The following AP1M1 variants were observed in gnomAD, a reference collection of about 807,000 sequenced individuals.
AP1M1 encodes adaptor related protein complex 1 subunit mu 1, also known as AP-1 complex subunit mu-1.
In AP1M1, 18 loss-of-function variants were observed where a neutral mutation model predicts 57.1. The observed-to-expected ratio is 0.32, with a 90% CI of 0.22 to 0.47. The LOEUF (loss-of-function observed/expected upper bound fraction) is 0.47, where lower values mean the gene tolerates loss of function less well. Ranked by LOEUF, AP1M1 falls within the 20% of genes least tolerant of loss-of-function variation. AP1M1 has a pLI of 1.00. For missense variants in AP1M1, 362 were observed against 593.5 expected (o/e 0.61, Z 4.05); for synonymous variants, 241 against 237.9 (o/e 1.01, Z -0.12).
At chr19:16,202,571 T>C (rs2091453115) in intron 1 of AP1M1, among the ~76,000 whole-genome samples, 1 of 152,236 alleles carries the variant, frequency 6.6e-6, no homozygotes, top group African/African-American at 2.4e-5. Context: ...TCTAGGATTT[T>C]ATACACGTGC....
At chr19:16,204,018 A>AGTGGTCAGCGGGGTCTGGG (rs2091459823) in intron 2 of AP1M1, among the ~76,000 whole-genome samples, 1 of 151,842 alleles carries the variant, frequency 6.6e-6, no homozygotes, top group Non-Finnish European at 1.5e-5. Context: ...GCGAGGCTGG[A>AGTGGTCAGCGGGGTCTGGG]GTGGTCAGCG....
chr19:16,223,326 C>T (rs2091554253), intron 5 of AP1M1, among the ~76,000 whole-genome samples: 1 of 152,196 alleles, frequency 6.6e-6, no homozygotes, highest in African/African-American at 2.4e-5. Context: ...GGTATATGCA[C>T]AGGATTCACA....
intron 5 of AP1M1, among the ~76,000 whole-genome samples, chr19:16,214,670 C>G (rs1013308600): frequency 6.6e-6 from 1 of 151,800 alleles, no homozygotes; most frequent in Non-Finnish European, 1.5e-5. Flanking sequence ...ATATTTAGTA[C>G]TTCTTTCAGG....
Position 16,234,194 on chromosome 19 carries a change from C to T in AP1M1, c.1174-5C>T. 1 of 1,612,412 alleles carries T rather than the reference C, an allele frequency of 6.2e-7. No homozygotes were observed. Among genetic ancestry groups the T allele is most frequent in the Non-Finnish European group, 8.5e-7 (1 of 1,179,232 alleles). ...GTGCTCAGGGCCCTGCTACCTGTGC[C>T]CCAGGTGCGCTACCTGAAGATCATT... On this transcript the variant is annotated splice_polypyrimidine_tract_variant and splice_region_variant and intron_variant, in intron 10 of 11. Transcript: ENST00000291439.
chr19:16,208,627 G>C (rs549237539), intron 4 of AP1M1, among the ~76,000 whole-genome samples: 1 of 152,278 alleles, frequency 6.6e-6, no homozygotes, highest in African/African-American at 2.4e-5. Context: ...AGAAGCCTGT[G>C]TTCCTAACCG....
At position 16,244,059 on chromosome 19, in the gene AP1M1, G is replaced by A. The variant is rs567280183; in HGVS notation, c.*9624G>A. 33 of 152,156 alleles carry A rather than the reference G, an allele frequency of 2.2e-4. No homozygotes were observed. Among genetic ancestry groups the A allele is most frequent in the Non-Finnish European group, 4.1e-4 (28 of 68,028 alleles). 9.4% of individuals were successfully genotyped at this position (152,156 alleles called of 1,614,324 possible). A position where few individuals can be genotyped will look rare whatever the true frequency, so the allele number is the denominator to read the frequency against. ...TCTTTTGTGTATATGTTACACTTCA[G>A]CAAAAACATTCACAAAGGGGAAAAA... On this transcript the variant is annotated 3_prime_UTR_variant, in exon 12 of 12. Transcript: ENST00000291439.
In AP1M1 at chr19:16,209,078, A is replaced by T. The variant is rs1440426329; in HGVS notation, c.447A>T (p.Pro149=). ...GHKLETGAPR[P]PATVTNAVSW... is the part of the protein sequence containing the mutation. ...AGCTGGAAACAGGGGCCCCGCGGCC[A>T]CCAGCCACCGTCACCAACGCGGTGT... The change falls in exon 5 of 12, where the codon CCA becomes CCT. Residue 149 remains proline, a synonymous_variant. Transcript: ENST00000291439. 6.2e-7 allele frequency: 1 copy of T among 1,614,218 alleles called. No homozygotes were observed. Among genetic ancestry groups the T allele is most frequent in the South Asian group, 1.1e-5 (1 of 91,084 alleles).
intron 5 of AP1M1, among the ~76,000 whole-genome samples, chr19:16,221,001 G>T (rs2091541804): frequency 6.6e-6 from 1 of 152,194 alleles, no homozygotes; most frequent in Admixed American, 6.5e-5. Flanking sequence ...GTTAGATGAG[G>T]TGTGCACATC....
Position 16,206,258 on chromosome 19 carries a change from G to T in AP1M1, c.200-83G>T. ...AGGGAAGGCTCTGAGGGTTGTGAGGGTTAGGGGGTCCCTCCATGAACCAGG... is the reference window on the plus strand; with the variant it reads ...AGGGAAGGCTCTGAGGGTTGTGAGGTTTAGGGGGTCCCTCCATGAACCAGG... On this transcript the variant is annotated intron_variant, in intron 2 of 11. Coordinates refer to ENST00000291439, the MANE Select transcript of AP1M1 (RefSeq NM_032493.4). This position sits in a 1 kb window ranked among gnomAD's most constrained non-coding sequence, Gnocchi z 4.3. The T allele has an allele frequency of 7.0e-7, 1 of 1,435,312 alleles. No homozygotes were observed. Among genetic ancestry groups the T allele is most frequent in the Admixed American group, 1.7e-5 (1 of 59,060 alleles). 88.9% of individuals were successfully genotyped at this position (1,435,312 alleles called of 1,614,324 possible).
intron 1 of AP1M1, chr19:16,198,283 G>T (rs1323483791): frequency 2.8e-6 from 1 of 363,070 alleles, no homozygotes; most frequent in Non-Finnish European, 5.0e-6. Context: ...ACGTAACGCG[G>T]TGGGCTGCAG....
At chr19:16,199,028 G>A (rs1467409423) in intron 1 of AP1M1, among the ~76,000 whole-genome samples, 5 of 152,050 alleles carry the variant, frequency 3.3e-5, no homozygotes, top group Admixed American at 2.0e-4. Context: ...GGCTGGTCTC[G>A]AACTCTTGAC....
At position 16,198,007 on chromosome 19, in the gene AP1M1, C is replaced by CGCCGCCACCGCCCTCGGCCGCTGCG. The variant is rs770124303; in HGVS notation, c.-19_-18insCCGCCACCGCCCTCGGCCGCTGCGG. Reference sequence around the variant, plus strand: ...CGCCGCCACCGCCCTCGGCCGCTGCCGAGGCCTCCTGCAGCCATCATGTCC... The same window carrying CGCCGCCACCGCCCTCGGCCGCTGCG: ...CGCCGCCACCGCCCTCGGCCGCTGCCGCCGCCACCGCCCTCGGCCGCTGCGGAGGCCTCCTGCAGCCATCATGTCC... On this transcript the variant is annotated 5_prime_UTR_variant, in exon 1 of 12. Coordinates refer to ENST00000291439, the MANE Select transcript of AP1M1 (RefSeq NM_032493.4). 2 of 1,574,926 alleles carry CGCCGCCACCGCCCTCGGCCGCTGCG rather than the reference C, an allele frequency of 1.3e-6. No homozygotes were observed. Among genetic ancestry groups the CGCCGCCACCGCCCTCGGCCGCTGCG allele is most frequent in the African/African-American group, 2.8e-5 (2 of 71,596 alleles).
At chr19:16,217,702 T>C (rs796846223) in intron 5 of AP1M1, among the ~76,000 whole-genome samples, 22 of 152,284 alleles carry the variant, frequency 1.4e-4, no homozygotes, top group African/African-American at 4.8e-4. Flanking sequence ...AAGACTACCC[T>C]GGAGAGTTCA....
chr19:16,234,741 G>A lies in AP1M1; in HGVS notation c.*306G>A. 4.2e-6 allele frequency: 2 copies of A among 475,588 alleles called. No homozygotes were observed. Among genetic ancestry groups the A allele is most frequent in the East Asian group, 3.3e-5 (1 of 30,124 alleles). The allele number at this position is 475,588 out of a possible 1,614,324, so 29.5% of individuals were successfully genotyped here. On this transcript the variant is annotated 3_prime_UTR_variant, in exon 12 of 12. Transcript: ENST00000291439. ...AGCCTTTTATGCTGTTGAGCTCCCA[G>A]GTACCAAAAAGCTTGGCCAACGCTT...
At chr19:16,221,127 T>G (rs772417539) in intron 5 of AP1M1, among the ~76,000 whole-genome samples, 2 of 152,228 alleles carry the variant, frequency 1.3e-5, no homozygotes, top group South Asian at 4.1e-4. Context: ...TTTGTTTTTT[T>G]GTTTTGTTTT....
chr19:16,212,787 C>T (rs1362053165), intron 5 of AP1M1, among the ~76,000 whole-genome samples: 2 of 152,148 alleles, frequency 1.3e-5, no homozygotes, highest in African/African-American at 4.8e-5. Flanking sequence ...AGATTCTGGT[C>T]TGTTGTATCT....
chr19:16,197,980 G>GCCGCCGCCACCGCCCTCGGCCGCTA lies in AP1M1; in HGVS notation c.-23_-22insACCGCCGCCACCGCCCTCGGCCGCT. The GCCGCCGCCACCGCCCTCGGCCGCTA allele has an allele frequency of 3.3e-6, 5 of 1,528,382 alleles. No homozygotes were observed. Among genetic ancestry groups the GCCGCCGCCACCGCCCTCGGCCGCTA allele is most frequent in the East Asian group, 2.6e-5 (1 of 37,750 alleles). 94.7% of individuals were successfully genotyped at this position (1,528,382 alleles called of 1,614,324 possible). On this transcript the variant is annotated 5_prime_UTR_variant, in exon 1 of 12. Coordinates refer to ENST00000291439, the MANE Select transcript of AP1M1 (RefSeq NM_032493.4). Reference sequence around the variant, plus strand: ...ACGCCCAGCAGTCCCCACCGTCGCTGCCGCCGCCACCGCCCTCGGCCGCTG... The same window carrying GCCGCCGCCACCGCCCTCGGCCGCTA: ...ACGCCCAGCAGTCCCCACCGTCGCTGCCGCCGCCACCGCCCTCGGCCGCTACCGCCGCCACCGCCCTCGGCCGCTG...
chr19:16,227,421 C>A lies in AP1M1; in HGVS notation c.674-127C>A. ...GACCCAGCCCCCTTGGTGTTTGTGGCCCAGGCTGCTCTCAGTGCGTGGACT... is the reference window on the plus strand; with the variant it reads ...GACCCAGCCCCCTTGGTGTTTGTGGACCAGGCTGCTCTCAGTGCGTGGACT... On this transcript the variant is annotated intron_variant, in intron 6 of 11. Coordinates refer to ENST00000291439, the MANE Select transcript of AP1M1 (RefSeq NM_032493.4). The surrounding 1 kb of genome is among the most constrained non-coding windows in gnomAD (Gnocchi z 6.2). The A allele has an allele frequency of 1.8e-6, 2 of 1,098,554 alleles. No homozygotes were observed. The highest frequency in any genetic ancestry group is 2.7e-6 in the Non-Finnish European group (2 of 752,002). The allele number at this position is 1,098,554 out of a possible 1,614,324, so 68.1% of individuals were successfully genotyped here.
At position 16,227,568 on chromosome 19, in the gene AP1M1, G is replaced by T; in HGVS notation, c.694G>T (p.Glu232Ter). Residue 232 changes from glutamate to a stop codon, truncating the protein, a stop_gained, in exon 7 of 12, where the codon GAG becomes TAG. Coordinates refer to ENST00000291439, the MANE Select transcript of AP1M1 (RefSeq NM_032493.4). LOFTEE classifies it high-confidence loss of function. The surrounding 1 kb of genome is among the most constrained non-coding windows in gnomAD (Gnocchi z 6.2). ...CCCAGGCGGCAAAAGCAAATCCGTG[G>T]AGCTGGAGGATGTGAAGTTCCACCA... ...NTGRGKSKSV[E>*]LEDVKFHQCV... is the part of the protein sequence containing the mutation. 6.2e-7 allele frequency: 1 copy of T among 1,613,986 alleles called. No individual in the cohort carries two copies. The highest frequency in any genetic ancestry group is 8.5e-7 in the Non-Finnish European group (1 of 1,179,896).
Sources: gnomAD v4.1 joint callset for allele counts (sites outside exome capture counted in the v4.1 genomes callset) on GRCh38, gnomAD v4.1.1 for gene constraint, Gnocchi (gnomAD v3.1) non-coding constraint, MANE v1.5 for transcripts, NCBI Gene and HGNC (gene_info 2026-07-23, HGNC 2026-07-21) for gene names.